MCC: variants seen among roughly 807,000 people sequenced by gnomAD.
MCC encodes the protein colorectal mutant cancer protein.
In MCC, 90 loss-of-function variants were observed where a neutral mutation model predicts 116.2. The ratio of observed to expected loss-of-function variants is 0.77; its 90% confidence interval spans 0.65 to 0.92. MCC has a LOEUF of 0.92. Ranked by LOEUF, MCC falls within the 40% of genes least tolerant of loss-of-function variation. MCC has a pLI of 0.00. For missense variants in MCC, 1,516 were observed against 1,312.2 expected (o/e 1.16, Z -2.40); for synonymous variants, 578 against 510.5 (o/e 1.13, Z -1.78).
intron 3 of MCC, among the ~76,000 whole-genome samples, chr5:113,220,214 C>T (rs566633470): frequency 3.4e-5 from 5 of 145,238 alleles, no homozygotes; most frequent in Admixed American, 6.9e-5. Flanking sequence ...CCCGCCACCA[C>T]GCCCAGCTAA....
chr5:113,230,860 T>A (rs942791730), intron 3 of MCC, among the ~76,000 whole-genome samples: 1 of 152,170 alleles, frequency 6.6e-6, no homozygotes, highest in Non-Finnish European at 1.5e-5. Context: ...TTGAGCTGTA[T>A]TACTACAGAG....
intron 2 of MCC, among the ~76,000 whole-genome samples, chr5:113,342,635 C>CT (rs775368772): frequency 2.0e-5 from 3 of 152,198 alleles, no homozygotes; most frequent in Admixed American, 6.5e-5. Context: ...AAGCCTGATG[C>CT]TTGAGTTGTC....
chr5:113,317,257 C>T (rs1401033080), intron 3 of MCC, among the ~76,000 whole-genome samples: 2 of 152,140 alleles, frequency 1.3e-5, no homozygotes, highest in Non-Finnish European at 2.9e-5. Flanking sequence ...ATTTTCTGTT[C>T]GCTAACCCAC....
At chr5:113,445,684 T>C (rs1252402511) in intron 1 of MCC, among the ~76,000 whole-genome samples, 1 of 152,188 alleles carries the variant, frequency 6.6e-6, no homozygotes, top group Non-Finnish European at 1.5e-5. Flanking sequence ...ATCTACAGAT[T>C]CAATGCTATT....
intron 11 of MCC, among the ~76,000 whole-genome samples, chr5:113,074,609 G>C (rs1007277164): frequency 6.6e-6 from 1 of 152,168 alleles, no homozygotes; most frequent in African/African-American, 2.4e-5. Context: ...GAGGATGTTC[G>C]AGCCCATTGC....
At chr5:113,371,955 T>C (rs1768846129) in intron 2 of MCC, among the ~76,000 whole-genome samples, 1 of 152,240 alleles carries the variant, frequency 6.6e-6, no homozygotes, top group Non-Finnish European at 1.5e-5. Context: ...ATCATTTTTC[T>C]TCCATGAAAA....
intron 3 of MCC, among the ~76,000 whole-genome samples, chr5:113,303,426 C>T (rs938610576): frequency 1.3e-5 from 2 of 152,186 alleles, no homozygotes; most frequent in African/African-American, 4.8e-5. Context: ...TAAGAAAGAA[C>T]ATCCAGAGAA....
intron 14 of MCC, 65 bp downstream of exon 14, chr5:113,063,919 C>G: frequency 6.6e-7 from 1 of 1,510,328 alleles, no homozygotes. Flanking sequence ...TCACTGCACA[C>G]CAAGTCCAGT....
At chr5:113,058,517 C>T (rs1187105146) in intron 14 of MCC, among the ~76,000 whole-genome samples, 1 of 152,176 alleles carries the variant, frequency 6.6e-6, no homozygotes, top group Non-Finnish European at 1.5e-5. Context: ...ACTGGTCTCC[C>T]CCTCAGGCTA....
chr5:113,098,851 G>T lies in MCC; in HGVS notation c.1398+2888C>A, dbSNP rs146159420. 2.3e-3 allele frequency among the ~76,000 whole-genome samples: 357 copies of T among 152,272 alleles called. 2 individuals carry two copies. The highest frequency in any genetic ancestry group is 8.2e-3 in the African/African-American group (341 of 41,550). On this transcript the variant is annotated intron_variant, in intron 8 of 18. Coordinates refer to ENST00000408903, the MANE Select transcript of MCC (RefSeq NM_001085377.2). ...CAATTGCTCGTCAAGGAACTTTGAT[G>T]AACTATGGATTCAGAGCTGCTACAA...
intron 1 of MCC, among the ~76,000 whole-genome samples, chr5:113,472,031 G>A (rs988996618): frequency 5.9e-5 from 9 of 152,116 alleles, no homozygotes; most frequent in Non-Finnish European, 1.0e-4. Context: ...ATTAGGGTCG[G>A]AGTGACCCGA....
chr5:113,251,871 T>A (rs889779178), intron 3 of MCC, among the ~76,000 whole-genome samples: 1 of 152,144 alleles, frequency 6.6e-6, no homozygotes, highest in Non-Finnish European at 1.5e-5. Flanking sequence ...AGATTGTTAG[T>A]CTCAGAAACC....
Position 113,027,218 on chromosome 5 carries a change from CCAA to C in MCC, c.*81_*83del. The C allele has an allele frequency of 2.8e-6, 4 of 1,443,838 alleles. No individual in the cohort carries two copies. Among genetic ancestry groups the C allele is most frequent in the Admixed American group, 4.3e-5 (2 of 46,022 alleles). The allele number at this position is 1,443,838 out of a possible 1,614,324, so 89.4% of individuals were successfully genotyped here. The stretch of plus-strand genomic sequence containing the variant: ...GCCAGCCTTCCCTTTCCTCCTCCTC[CCAA>C]CAAGTACATGGGCCCTTCTGTCCCC... On this transcript the variant is annotated 3_prime_UTR_variant, in exon 19 of 19. Coordinates refer to ENST00000408903, the MANE Select transcript of MCC (RefSeq NM_001085377.2).
chr5:113,174,421 T>C (rs1364644286), intron 3 of MCC, among the ~76,000 whole-genome samples: 1 of 152,112 alleles, frequency 6.6e-6, no homozygotes, highest in Admixed American at 6.6e-5. Context: ...AGTTTTAAGA[T>C]ATATTTACAA....
intron 3 of MCC, among the ~76,000 whole-genome samples, chr5:113,246,715 T>C (rs1221901206): frequency 6.6e-6 from 1 of 152,238 alleles, no homozygotes; most frequent in Non-Finnish European, 1.5e-5. Context: ...AAAATCCTAC[T>C]TTATCTTGTG....
At chr5:113,279,145 G>A (rs1201317821) in intron 3 of MCC, among the ~76,000 whole-genome samples, 2 of 116,876 alleles carry the variant, frequency 1.7e-5, no homozygotes, top group East Asian at 4.4e-4. Context: ...ACTGATCTCA[G>A]TAACTTCCCA....
chr5:113,084,243 A>C, intron 9 of MCC, 53 bp from the exon 10 acceptor site: 1 of 1,383,196 alleles, frequency 7.2e-7, no homozygotes, highest in Non-Finnish European at 1.0e-6. Context: ...TCCTCAGATA[A>C]ACTGTTGGGA....
At chr5:113,403,848 G>A (rs1769758667) in intron 1 of MCC, among the ~76,000 whole-genome samples, 1 of 152,056 alleles carries the variant, frequency 6.6e-6, no homozygotes, top group East Asian at 1.9e-4. Context: ...TTTTAAAAAT[G>A]TCAAAACTTC....
At chr5:113,054,855 G>C (rs1752716798) in intron 14 of MCC, among the ~76,000 whole-genome samples, 4 of 152,226 alleles carry the variant, frequency 2.6e-5, no homozygotes, top group Admixed American at 2.0e-4. Flanking sequence ...AGCACCACTG[G>C]AAAACGGAGG....
Sources: gnomAD v4.1 joint callset for allele counts (sites outside exome capture counted in the v4.1 genomes callset) on GRCh38, gnomAD v4.1.1 for gene constraint, MANE v1.5 for transcripts, NCBI Gene and HGNC (gene_info 2026-07-23, HGNC 2026-07-21) for gene names.